DSE: variants seen among roughly 807,000 people sequenced by gnomAD.
The protein encoded by DSE is dermatan-sulfate epimerase.
Under a neutral mutation model 84.4 loss-of-function variants are expected in DSE, and 36 were observed. The ratio of observed to expected loss-of-function variants is 0.43; its 90% CI spans 0.33 to 0.56. The LOEUF (loss-of-function observed/expected upper bound fraction) is 0.56. Among genes scored for constraint, DSE ranks in the 20% least tolerant of loss-of-function variants. The probability of loss-of-function intolerance (pLI) is 0.06; values close to 1 mark genes in which losing one functional copy is unlikely to be tolerated. For synonymous variants in DSE, 410 were observed against 430.1 expected, an observed-to-expected ratio of 0.95 and a Z score of 0.58; for missense variants, 862 against 1,169.6, an observed-to-expected ratio of 0.74 and a Z score of 3.84.
chr6:116,278,167 C>A, intron 2 of DSE: 1 of 312,196 alleles, frequency 3.2e-6, no homozygotes, highest in Non-Finnish European at 6.3e-6. Context: ...GCTAGAAATC[C>A]AAGTGACAGC....
At position 116,322,145 on chromosome 6, in the gene DSE, A is replaced by G. The variant is rs1776363894; in HGVS notation, c.-54+63178A>G. Among the ~76,000 whole-genome samples the G allele has an allele frequency of 2.0e-5, 3 of 152,154 alleles. No individual in the cohort carries two copies. The South Asian group carries it at 6.2e-4, about 32-fold the overall frequency. ...CAGGGGGTACGTGACTGGGAGCTAC[A>G]TGTACTGGTAATTAGATCAGAACAA... On this transcript the variant is annotated intron_variant, in intron 2 of 3. Coordinates refer to the DSE transcript ENST00000430252.
chr6:116,396,831 T>C (rs1227866602), intron 1 of DSE, among the ~76,000 whole-genome samples: 2 of 152,212 alleles, frequency 1.3e-5, no homozygotes, highest in African/African-American at 4.8e-5. Context: ...ATTCTGTGCC[T>C]GGGTGGGAGT....
intron 2 of DSE, among the ~76,000 whole-genome samples, chr6:116,353,509 A>C (rs1413407878): frequency 6.6e-6 from 1 of 152,208 alleles, no homozygotes; most frequent in Non-Finnish European, 1.5e-5. Flanking sequence ...ACTTTGTTTC[A>C]ATCATAATAA....
intron 2 of DSE, among the ~76,000 whole-genome samples, chr6:116,262,332 T>C (rs1333827586): frequency 6.6e-6 from 1 of 152,190 alleles, no homozygotes; most frequent in East Asian, 1.9e-4. Flanking sequence ...AGTTTCTTCC[T>C]AGTTAAGTCT....
At chr6:116,321,994 G>C (rs9481625) in intron 2 of DSE, among the ~76,000 whole-genome samples, 1 of 152,022 alleles carries the variant, frequency 6.6e-6, no homozygotes, top group East Asian at 1.9e-4. Context: ...GGGTTTGTTC[G>C]GCCGGGGGCA....
intron 2 of DSE, among the ~76,000 whole-genome samples, chr6:116,286,933 C>G (rs911695899): frequency 1.3e-5 from 2 of 152,124 alleles, no homozygotes; most frequent in Non-Finnish European, 2.9e-5. Context: ...ATGTGTCTTA[C>G]AAGCACTGTC....
At chr6:116,284,969 G>C (rs1271535076) in intron 2 of DSE, among the ~76,000 whole-genome samples, 1 of 151,960 alleles carries the variant, frequency 6.6e-6, no homozygotes. Flanking sequence ...GAATAATGCC[G>C]CAATAAACAT....
intron 2 of DSE, among the ~76,000 whole-genome samples, chr6:116,339,700 G>C (rs2501051): frequency 0.022 from 3,418 of 152,274 alleles, 137 homozygotes; most frequent in African/African-American, 0.079. Context: ...GAATTCGTAT[G>C]ACTTGGCAAT....
intron 2 of DSE, among the ~76,000 whole-genome samples, chr6:116,308,270 A>C (rs1775465842): frequency 6.6e-6 from 1 of 152,210 alleles, no homozygotes; most frequent in African/African-American, 2.4e-5. Context: ...CCTGGTAAGC[A>C]TTAGACTCAG....
chr6:116,303,522 A>G (rs754390162), intron 2 of DSE, among the ~76,000 whole-genome samples: 12 of 152,152 alleles, frequency 7.9e-5, no homozygotes, highest in Non-Finnish European at 1.5e-4. Context: ...CGGTATATAT[A>G]TTTCTTCAAT....
chr6:116,401,251 A>C (rs1189536029), intron 2 of DSE: 3 of 152,182 alleles, frequency 2.0e-5, no homozygotes, highest in African/African-American at 7.2e-5. Flanking sequence ...TTCTATGAAA[A>C]GAGAAATAAA....
chr6:116,370,944 C>T (rs1357047507), upstream of DSE: 4 of 985,290 alleles, frequency 4.1e-6, no homozygotes, highest in African/African-American at 1.7e-5. Flanking sequence ...CGGCCCGGCT[C>T]TCAGTAGCGT....
intron 2 of DSE, among the ~76,000 whole-genome samples, chr6:116,306,787 G>T (rs532958842): frequency 6.6e-6 from 1 of 152,194 alleles, no homozygotes; most frequent in African/African-American, 2.4e-5. Context: ...AAGTTATGGG[G>T]GCAGGACCCT....
At chr6:116,426,032 G>A (rs1209007895) in intron 2 of DSE, among the ~76,000 whole-genome samples, 1 of 152,202 alleles carries the variant, frequency 6.6e-6, no homozygotes, top group Non-Finnish European at 1.5e-5. Flanking sequence ...CGTTTGCCAC[G>A]CTTCCCACCA....
At chr6:116,381,979 G>C (rs1410893079) in intron 1 of DSE, among the ~76,000 whole-genome samples, 1 of 151,214 alleles carries the variant, frequency 6.6e-6, no homozygotes, top group Non-Finnish European at 1.5e-5. Context: ...CCAATCTTTG[G>C]CATGCTCATC....
chr6:116,407,322 G>A (rs778691014), intron 2 of DSE, among the ~76,000 whole-genome samples: 14 of 152,176 alleles, frequency 9.2e-5, no homozygotes, highest in Non-Finnish European at 1.5e-4. Flanking sequence ...ATATGGGGAG[G>A]AGAGAGTGGT....
intron 2 of DSE, among the ~76,000 whole-genome samples, chr6:116,312,048 C>T (rs1014604019): frequency 1.3e-5 from 2 of 152,148 alleles, no homozygotes; most frequent in Non-Finnish European, 2.9e-5. Flanking sequence ...CCACCATATG[C>T]TACCCCTCAT....
Position 116,371,000 on chromosome 6 carries a change from G to T in DSE, c.-175G>T. On this transcript the variant is annotated 5_prime_UTR_variant, in exon 1 of 6. Coordinates refer to ENST00000644252, the MANE Select transcript of DSE (RefSeq NM_013352.4). ...CATCCCGGGGCATGGCGCGGCGGGG[G>T]CGCGGAGGGCTCGGTTCGGAGGGGG... 1 of 985,668 alleles carries T rather than the reference G, an allele frequency of 1.0e-6. No homozygotes were observed. Among genetic ancestry groups the T allele is most frequent in the Non-Finnish European group, 1.2e-6 (1 of 830,192 alleles). The allele number at this position is 985,668 out of a possible 1,614,324, so 61.1% of individuals were successfully genotyped here.
At chr6:116,410,832 T>A (rs1782306106) in intron 2 of DSE, among the ~76,000 whole-genome samples, 1 of 151,174 alleles carries the variant, frequency 6.6e-6, no homozygotes, top group African/African-American at 2.4e-5. Flanking sequence ...AGTAGGCCTT[T>A]GGTGTTTATC....
Sources: allele counts gnomAD v4.1 joint callset (sites outside exome capture counted in the v4.1 genomes callset), GRCh38; gene constraint gnomAD v4.1.1; transcripts MANE v1.5; gene names NCBI Gene and HGNC (gene_info 2026-07-23, HGNC 2026-07-21).